The following FILIP1L variants were observed in gnomAD, a reference collection of about 807,000 sequenced individuals.
The protein encoded by FILIP1L is filamin A interacting protein 1 like.
Under a neutral mutation model 96.6 loss-of-function variants are expected in FILIP1L, and 55 were observed. The observed-to-expected ratio is 0.57, with a 90% confidence interval of 0.46 to 0.71. The LOEUF is 0.71. FILIP1L is among the 30% of genes least tolerant of loss of function. The probability of loss-of-function intolerance (pLI) is 0.00; values close to 1 mark genes in which losing one functional copy is unlikely to be tolerated. For missense variants in FILIP1L, 1,304 were observed against 1,321.2 expected (o/e 0.99, Z 0.20); for synonymous variants, 467 against 473.9 (o/e 0.99, Z 0.19).
intron 1 of FILIP1L, among the ~76,000 whole-genome samples, chr3:99,980,741 C>T (rs543782994): frequency 6.6e-6 from 1 of 152,284 alleles, no homozygotes; most frequent in African/African-American, 2.4e-5. Flanking sequence ...TAAGTTCTCA[C>T]TGTTATCCGT....
At chr3:100,104,973 A>T (rs1254077503) in intron 1 of FILIP1L, among the ~76,000 whole-genome samples, 4 of 152,130 alleles carry the variant, frequency 2.6e-5, no homozygotes, top group Non-Finnish European at 5.9e-5. Context: ...TCTTTCTGTA[A>T]AAGTATCTGC....
chr3:100,041,904 A>G (rs1350483487), intron 1 of FILIP1L, among the ~76,000 whole-genome samples: 4 of 152,224 alleles, frequency 2.6e-5, no homozygotes, highest in Admixed American at 2.0e-4. Flanking sequence ...AAATAATGAC[A>G]GCTGAAAACT....
At chr3:99,865,439 C>T (rs1295682943) in intron 4 of FILIP1L, among the ~76,000 whole-genome samples, 2 of 152,200 alleles carry the variant, frequency 1.3e-5, no homozygotes, top group Non-Finnish European at 2.9e-5. Flanking sequence ...ATCACCACCA[C>T]TAGCAATTCA....
At chr3:100,055,199 T>C (rs1419486788) in intron 1 of FILIP1L, among the ~76,000 whole-genome samples, 1 of 152,208 alleles carries the variant, frequency 6.6e-6, no homozygotes, top group Non-Finnish European at 1.5e-5. Flanking sequence ...TATCAATTTC[T>C]TCGTGTATGC....
intron 1 of FILIP1L, among the ~76,000 whole-genome samples, chr3:100,104,701 G>C (rs2107464175): frequency 6.6e-6 from 1 of 152,204 alleles, no homozygotes; most frequent in Non-Finnish European, 1.5e-5. Flanking sequence ...CGATTGCTTT[G>C]GTGATTTGCA....
rs79603596 is a variant in FILIP1L, at chr3:100,082,803, T to C, written c.-11+31250A>G. Among the ~76,000 whole-genome samples the C allele has an allele frequency of 5.4e-3, 830 of 152,328 alleles. 12 individuals carry two copies. Among genetic ancestry groups the C allele is most frequent in the African/African-American group, 0.018 (763 of 41,570 alleles). On this transcript the variant is annotated intron_variant, in intron 1 of 5. Transcript: ENST00000477258. ...TCACAAAATCTGTTTTTCAGCATGG[T>C]AGTCATAGACTTACCTTCGTTGACT... is the stretch of plus-strand genomic sequence containing the variant.
chr3:100,019,232 C>T (rs905517155), intron 1 of FILIP1L, among the ~76,000 whole-genome samples: 1 of 152,160 alleles, frequency 6.6e-6, no homozygotes, highest in Non-Finnish European at 1.5e-5. Flanking sequence ...TATGGTGGCA[C>T]ATGTCTAGTT....
chr3:99,948,817 A>G (rs1487666155), intron 1 of FILIP1L, among the ~76,000 whole-genome samples: 1 of 152,182 alleles, frequency 6.6e-6, no homozygotes, highest in African/African-American at 2.4e-5. Flanking sequence ...GAGCCTCAGA[A>G]TCATAAGACA....
intron 1 of FILIP1L, among the ~76,000 whole-genome samples, chr3:99,954,835 GA>G (rs575824107): frequency 6.2e-4 from 91 of 145,952 alleles, no homozygotes; most frequent in South Asian, 5.2e-3. Context: ...CAAAAAAAAA[GA>G]AAAAAAAAAG....
intron 1 of FILIP1L, among the ~76,000 whole-genome samples, chr3:100,000,576 G>A (rs183635440): frequency 6.6e-6 from 1 of 152,194 alleles, no homozygotes; most frequent in Non-Finnish European, 1.5e-5. Context: ...CTGACCAGGC[G>A]CAGTAGCTTA....
At position 99,850,926 on chromosome 3, in the gene FILIP1L, C is replaced by T. The variant is rs36005744; in HGVS notation, c.750G>A (p.Thr250=). The T allele has an allele frequency of 6.0e-3, 9,764 of 1,614,130 alleles. 46 individuals carry two copies. The highest frequency in any genetic ancestry group is 8.4e-3 in the South Asian group (769 of 91,084). Residue 250 remains threonine, a synonymous_variant, in exon 5 of 6, where the codon ACG becomes ACA. Transcript: ENST00000477258. ...LMVVDEQQRL[T]AQLTLQRQKI... is the part of the protein sequence containing the mutation. Reference sequence around the variant, plus strand: ...TCTGTCTTTGAAGGGTGAGCTGTGCCGTCAGCCTTTGCTGTTCATCCACCA... The same window carrying T: ...TCTGTCTTTGAAGGGTGAGCTGTGCTGTCAGCCTTTGCTGTTCATCCACCA...
intron 1 of FILIP1L, among the ~76,000 whole-genome samples, chr3:99,959,383 C>T (rs547278608): frequency 4.6e-5 from 7 of 152,340 alleles, no homozygotes; most frequent in African/African-American, 1.4e-4. Context: ...CTCCTGTCCT[C>T]TTGTGATCTG....
At chr3:100,010,473 T>A (rs1710112409) in intron 1 of FILIP1L, among the ~76,000 whole-genome samples, 4 of 152,146 alleles carry the variant, frequency 2.6e-5, no homozygotes, top group Admixed American at 2.6e-4. Context: ...TAATGGTATT[T>A]AGAAAGGACC....
At chr3:99,972,531 C>T (rs1194928847) in intron 1 of FILIP1L, among the ~76,000 whole-genome samples, 1 of 152,160 alleles carries the variant, frequency 6.6e-6, no homozygotes, top group Non-Finnish European at 1.5e-5. Context: ...CATTTTCTGC[C>T]TCTAGTGCTG....
At chr3:99,904,474 A>C (rs958230068) in intron 4 of FILIP1L, among the ~76,000 whole-genome samples, 2 of 152,230 alleles carry the variant, frequency 1.3e-5, no homozygotes, top group African/African-American at 4.8e-5. Context: ...AAATATATTT[A>C]CTATGCTTCT....
chr3:99,910,434 A>G (rs1431697983), intron 4 of FILIP1L, among the ~76,000 whole-genome samples: 1 of 136,236 alleles, frequency 7.3e-6, no homozygotes, highest in Non-Finnish European at 1.7e-5. Context: ...GAAATGTTTC[A>G]TTTCTTTAAT....
chr3:100,040,511 G>A (rs1216025836), intron 1 of FILIP1L: 1 of 152,252 alleles, frequency 6.6e-6, no homozygotes, highest in East Asian at 1.9e-4. Flanking sequence ...TGAGTAACTA[G>A]TAGTGATTTG....
intron 1 of FILIP1L, among the ~76,000 whole-genome samples, chr3:100,099,956 A>G (rs1306741356): frequency 2.6e-5 from 4 of 152,202 alleles, no homozygotes; most frequent in African/African-American, 9.6e-5. Flanking sequence ...TCCATGCTCA[A>G]GTTGAGACTA....
chr3:99,980,919 A>G (rs576290789), intron 1 of FILIP1L, among the ~76,000 whole-genome samples: 14 of 152,124 alleles, frequency 9.2e-5, no homozygotes, highest in Non-Finnish European at 1.3e-4. Context: ...AAACCCTTCA[A>G]TACTGGCTAT....
Sources: gnomAD v4.1 joint callset for allele counts (sites outside exome capture counted in the v4.1 genomes callset) on GRCh38, gnomAD v4.1.1 for gene constraint, MANE v1.5 for transcripts, NCBI Gene and HGNC (gene_info 2026-07-23, HGNC 2026-07-21) for gene names.